Variants in LHFPL2 observed in about 807,000 individuals in gnomAD.
The protein encoded by LHFPL2 is LHFPL tetraspan subfamily member 2 protein.
A neutral mutation model predicts 17.5 loss-of-function variants in LHFPL2; 7 were observed. The observed-to-expected ratio is 0.40, with a 90% CI of 0.23 to 0.75. The LOEUF is 0.75. LHFPL2 is among the 30% of genes least tolerant of loss of function. The pLI is 0.37. For synonymous variants in LHFPL2, 134 were observed against 116.2 expected (o/e 1.15, Z -0.99); for missense variants, 241 against 294.8 (o/e 0.82, Z 1.34).
At chr5:78,630,931 A>G (rs1745220466) in intron 2 of LHFPL2, among the ~76,000 whole-genome samples, 1 of 152,116 alleles carries the variant, frequency 6.6e-6, no homozygotes. Flanking sequence ...AAAGGACTCA[A>G]CTCTCATTTT....
chr5:78,523,090 T>A (rs534928675), intron 3 of LHFPL2, among the ~76,000 whole-genome samples: 1 of 148,038 alleles, frequency 6.8e-6, no homozygotes, highest in African/African-American at 2.5e-5. Context: ...TTTTCTGGCG[T>A]GTGCACGTGT....
intron 3 of LHFPL2, among the ~76,000 whole-genome samples, chr5:78,540,804 G>A (rs1756089843): frequency 6.6e-6 from 1 of 152,210 alleles, no homozygotes. Context: ...GGGCTGGTTT[G>A]GAATGAGCTG....
intron 2 of LHFPL2, among the ~76,000 whole-genome samples, chr5:78,581,797 G>A (rs574246107): frequency 1.7e-3 from 262 of 152,278 alleles, no homozygotes; most frequent in South Asian, 8.5e-3. Context: ...GGATGATGCT[G>A]GCCTCATAAA....
At chr5:78,497,087 C>T (rs1754629960) in intron 4 of LHFPL2, among the ~76,000 whole-genome samples, 1 of 152,224 alleles carries the variant, frequency 6.6e-6, no homozygotes, top group African/African-American at 2.4e-5. Context: ...TCACCTTGTC[C>T]ACCTGATCTC....
chr5:78,511,012 TAAAC>T, intron 3 of LHFPL2, among the ~76,000 whole-genome samples: 1 of 152,018 alleles, frequency 6.6e-6, no homozygotes, highest in African/African-American at 2.4e-5. Flanking sequence ...TGTAAAAGAA[TAAAC>T]AAAACATTGC....
intron 2 of LHFPL2, among the ~76,000 whole-genome samples, chr5:78,622,495 A>G (rs962537557): frequency 6.6e-6 from 1 of 152,164 alleles, no homozygotes; most frequent in Non-Finnish European, 1.5e-5. Context: ...GAGGTCATAG[A>G]GCCTGGGAAT....
chr5:78,613,927 C>T (rs1744504885), intron 2 of LHFPL2, among the ~76,000 whole-genome samples: 1 of 152,140 alleles, frequency 6.6e-6, no homozygotes, highest in South Asian at 2.1e-4. Flanking sequence ...GAGGAATAAA[C>T]AGCTATCTCT....
intron 3 of LHFPL2, among the ~76,000 whole-genome samples, chr5:78,523,438 AG>A (rs1435712605): frequency 6.6e-6 from 1 of 152,106 alleles, no homozygotes; most frequent in Non-Finnish European, 1.5e-5. Context: ...CCCCACAGTG[AG>A]GGGGTAGAAG....
rs1754230708 is a variant in LHFPL2, at chr5:78,486,092, A to G, written c.*2805T>C. On this transcript the variant is annotated 3_prime_UTR_variant, in exon 5 of 5. Coordinates refer to ENST00000380345, the MANE Select transcript of LHFPL2 (RefSeq NM_005779.3). Reference sequence around the variant, plus strand: ...ACTTGTGTATGTATAATATACATATATATTTTTAAATATGCTACACATAAA... The same window carrying G: ...ACTTGTGTATGTATAATATACATATGTATTTTTAAATATGCTACACATAAA... 1 of 152,536 alleles carries G rather than the reference A, an allele frequency of 6.6e-6. No individual in the cohort carries two copies. The highest frequency in any genetic ancestry group is 2.4e-5 in the African/African-American group (1 of 41,342). 9.4% of individuals were successfully genotyped at this position (152,536 alleles called of 1,614,324 possible).
At chr5:78,551,019 C>T (rs1273122861) in intron 3 of LHFPL2, among the ~76,000 whole-genome samples, 1 of 152,226 alleles carries the variant, frequency 6.6e-6, no homozygotes, top group African/African-American at 2.4e-5. Flanking sequence ...AAAGACAGAG[C>T]AGTCAGTGGC....
At position 78,490,264 on chromosome 5, in the gene LHFPL2, G is replaced by A. The variant is rs548644520; in HGVS notation, c.431-1111C>T. 1.8e-4 allele frequency among the ~76,000 whole-genome samples: 27 copies of A among 152,248 alleles called. No homozygotes were observed. The East Asian group carries it at 4.3e-3, about 24-fold the overall frequency. On this transcript the variant is annotated intron_variant, in intron 4 of 4. Coordinates refer to ENST00000380345, the MANE Select transcript of LHFPL2 (RefSeq NM_005779.3). Reference sequence around the variant, plus strand: ...TTCCTGCCTAGTCCCACCAGAGCTAGGACTAGGGTGAGCCACAAAAGGAGT... The same window carrying A: ...TTCCTGCCTAGTCCCACCAGAGCTAAGACTAGGGTGAGCCACAAAAGGAGT...
intron 1 of LHFPL2, chr5:78,644,228 G>C (rs1019566506): frequency 1.0e-5 from 7 of 671,068 alleles, no homozygotes; most frequent in African/African-American, 1.8e-5. Flanking sequence ...GAGTTGAAAT[G>C]CTTTATAGAT....
Position 78,488,052 on chromosome 5 carries a change from G to GAAAC in LHFPL2, c.*841_*844dup, listed in dbSNP as rs1301931090. ...TGGAGACCTCAGTCCCTGGAAGGAG[G>GAAAC]AAACAGTGAGGTTTCCTTTCGCAGT... On this transcript the variant is annotated 3_prime_UTR_variant, in exon 5 of 5. Transcript: ENST00000380345. 2 of 152,126 alleles carry GAAAC rather than the reference G, an allele frequency of 1.3e-5. No homozygotes were observed. Among genetic ancestry groups the GAAAC allele is most frequent in the Non-Finnish European group, 1.5e-5 (1 of 68,016 alleles). The allele number at this position is 152,126 out of a possible 1,614,324, so 9.4% of individuals were successfully genotyped here.
intron 2 of LHFPL2, among the ~76,000 whole-genome samples, chr5:78,617,761 C>T (rs1052219728): frequency 1.3e-5 from 2 of 152,124 alleles, no homozygotes; most frequent in African/African-American, 4.8e-5. Flanking sequence ...CCAGATTAAA[C>T]AGAACAACTC....
At chr5:78,532,059 G>A (rs1755799974) in intron 3 of LHFPL2, among the ~76,000 whole-genome samples, 1 of 151,958 alleles carries the variant, frequency 6.6e-6, no homozygotes. Flanking sequence ...TGAGTAACTG[G>A]AATTACAGGC....
chr5:78,595,960 C>T (rs1208327052), intron 2 of LHFPL2, among the ~76,000 whole-genome samples: 4 of 152,080 alleles, frequency 2.6e-5, no homozygotes, highest in South Asian at 4.1e-4. Flanking sequence ...TTTAAATGAA[C>T]AATAATGGTA....
At chr5:78,492,925 A>T (rs1754494228) in intron 4 of LHFPL2, among the ~76,000 whole-genome samples, 4 of 152,030 alleles carry the variant, frequency 2.6e-5, no homozygotes, top group Non-Finnish European at 5.9e-5. Flanking sequence ...ACCACTGTCC[A>T]CTCTGCCCTG....
At chr5:78,511,105 GA>G (rs11323839) in intron 3 of LHFPL2, among the ~76,000 whole-genome samples, 87,515 of 148,808 alleles carry the variant, frequency 0.59, 25,571 homozygotes, top group Middle Eastern at 0.63. Context: ...ACTCAGAGGG[GA>G]AAAAAAAAAA....
chr5:78,521,387 T>G (rs1755453939), intron 3 of LHFPL2, among the ~76,000 whole-genome samples: 1 of 152,250 alleles, frequency 6.6e-6, no homozygotes, highest in Non-Finnish European at 1.5e-5. Flanking sequence ...TGTTTTGTTA[T>G]CAACTAAATG....
Sources: allele counts gnomAD v4.1 joint callset (sites outside exome capture counted in the v4.1 genomes callset), GRCh38; gene constraint gnomAD v4.1.1; transcripts MANE v1.5; gene names NCBI Gene and HGNC (gene_info 2026-07-23, HGNC 2026-07-21).